The following MGAT4C variants were observed in gnomAD, a reference collection of about 807,000 sequenced individuals.
MGAT4C encodes alpha-1,3-mannosyl-glycoprotein 4-beta-N-acetylglucosaminyltransferase C.
A neutral mutation model predicts 40.1 loss-of-function variants in MGAT4C; 19 were observed. That is an observed-to-expected ratio of 0.47 (90% CI 0.33 to 0.70). MGAT4C has a LOEUF of 0.70. Ranked by LOEUF, MGAT4C falls within the 30% of genes least tolerant of loss-of-function variation. The pLI, the probability that MGAT4C is intolerant of heterozygous loss-of-function variation, is 0.02. For synonymous variants in MGAT4C, 181 were observed against 187.1 expected, an observed-to-expected ratio of 0.97 and a Z score of 0.27; for missense variants, 491 against 563.2, an observed-to-expected ratio of 0.87 and a Z score of 1.30.
chr12:86,338,731 A>G lies in MGAT4C; in HGVS notation c.-119-4604T>C, dbSNP rs185083361. Among the ~76,000 whole-genome samples the G allele has an allele frequency of 2.9e-3, 445 of 152,110 alleles. 9 individuals carry two copies. Among genetic ancestry groups the G allele is most frequent in the Admixed American group, 0.027 (411 of 15,272 alleles). ...TCCCACCACTTTGGGAGGTCGAGGTAGCTGGATCGCTTGAGGTTAGGAGTT... is the reference window on the plus strand; with the variant it reads ...TCCCACCACTTTGGGAGGTCGAGGTGGCTGGATCGCTTGAGGTTAGGAGTT... On this transcript the variant is annotated intron_variant, in intron 3 of 7. Transcript: ENST00000548651.
intron 2 of MGAT4C, among the ~76,000 whole-genome samples, chr12:86,504,505 A>G (rs1958434916): frequency 6.6e-6 from 1 of 152,164 alleles, no homozygotes; most frequent in African/African-American, 2.4e-5. Context: ...TTTACTTAAA[A>G]ACAAAACTAA....
intron 4 of MGAT4C, among the ~76,000 whole-genome samples, chr12:86,285,201 G>T (rs1235566093): frequency 1.3e-5 from 2 of 151,882 alleles, no homozygotes; most frequent in African/African-American, 4.8e-5. Context: ...ATAGATATTA[G>T]ACACTATATT....
chr12:86,199,493 A>G (rs773313446), intron 1 of MGAT4C, among the ~76,000 whole-genome samples: 10 of 152,148 alleles, frequency 6.6e-5, no homozygotes, highest in Non-Finnish European at 1.3e-4. Context: ...TTCCTCATTC[A>G]TAATACAATA....
At chr12:86,093,594 G>A (rs1196355025) in intron 1 of MGAT4C, among the ~76,000 whole-genome samples, 1 of 152,018 alleles carries the variant, frequency 6.6e-6, no homozygotes, top group Non-Finnish European at 1.5e-5. Flanking sequence ...TGGGTGTGGT[G>A]GTACTCGCCT....
intron 3 of MGAT4C, among the ~76,000 whole-genome samples, chr12:86,376,464 C>G (rs1260915337): frequency 6.6e-6 from 1 of 151,846 alleles, no homozygotes; most frequent in Non-Finnish European, 1.5e-5. Flanking sequence ...ATTTTTTAGT[C>G]AGAATGTAAA....
At chr12:86,505,473 C>A (rs984321561) in intron 2 of MGAT4C, among the ~76,000 whole-genome samples, 1 of 152,156 alleles carries the variant, frequency 6.6e-6, no homozygotes, top group African/African-American at 2.4e-5. Context: ...TCTATACATA[C>A]ATAAACCAGA....
chr12:86,764,945 A>G (rs1951477039), intron 1 of MGAT4C, among the ~76,000 whole-genome samples: 2 of 152,182 alleles, frequency 1.3e-5, no homozygotes, highest in Admixed American at 6.5e-5. Flanking sequence ...TGGAAACTCT[A>G]AAAAGCAGAG....
At chr12:86,036,000 C>T (rs1423014686) in intron 2 of MGAT4C, among the ~76,000 whole-genome samples, 1 of 149,992 alleles carries the variant, frequency 6.7e-6, no homozygotes, top group African/African-American at 2.4e-5. Flanking sequence ...AGTTTGAAGT[C>T]AGGTAGTGTG....
chr12:86,746,636 C>T (rs1206394405), intron 1 of MGAT4C, among the ~76,000 whole-genome samples: 3 of 151,640 alleles, frequency 2.0e-5, no homozygotes, highest in Non-Finnish European at 3.0e-5. Context: ...ACTTAACAAA[C>T]AACAATAATC....
chr12:86,180,906 A>C (rs1011897905), intron 1 of MGAT4C, among the ~76,000 whole-genome samples: 1 of 152,154 alleles, frequency 6.6e-6, no homozygotes, highest in Non-Finnish European at 1.5e-5. Flanking sequence ...ATTGATTTTC[A>C]AATGTAAGGA....
intron 2 of MGAT4C, among the ~76,000 whole-genome samples, chr12:86,455,971 AAAG>A (rs1957504566): frequency 6.6e-6 from 1 of 152,162 alleles, no homozygotes; most frequent in Non-Finnish European, 1.5e-5. Flanking sequence ...CTTAAATATT[AAAG>A]AATATGATAC....
At chr12:86,813,956 G>A (rs1952530267) in intron 1 of MGAT4C, among the ~76,000 whole-genome samples, 1 of 151,558 alleles carries the variant, frequency 6.6e-6, no homozygotes, top group Admixed American at 6.6e-5. Flanking sequence ...TGTTGCCTAG[G>A]CTAGAGTGCA....
intron 2 of MGAT4C, among the ~76,000 whole-genome samples, chr12:86,697,304 T>C (rs1354191604): frequency 1.3e-5 from 2 of 152,250 alleles, no homozygotes; most frequent in South Asian, 2.1e-4. Context: ...CATTTTACCA[T>C]TCATATATGC....
intron 4 of MGAT4C, among the ~76,000 whole-genome samples, chr12:86,309,128 T>C (rs1954009414): frequency 6.6e-6 from 1 of 150,634 alleles, no homozygotes; most frequent in Non-Finnish European, 1.5e-5. Flanking sequence ...ACTGTCCCAG[T>C]CTTCTGGTCT....
chr12:86,106,249 T>C (rs1198323507), intron 1 of MGAT4C, among the ~76,000 whole-genome samples: 1 of 152,148 alleles, frequency 6.6e-6, no homozygotes, highest in Admixed American at 6.6e-5. Context: ...CTTCTCTTTT[T>C]TTCATTGAAA....
intron 2 of MGAT4C, among the ~76,000 whole-genome samples, chr12:86,722,187 G>A (rs1950747886): frequency 6.6e-6 from 1 of 152,054 alleles, no homozygotes; most frequent in South Asian, 2.1e-4. Context: ...GCAGGAGGGA[G>A]GGCACTGTTA....
chr12:86,691,039 T>A (rs1380636951), intron 2 of MGAT4C, among the ~76,000 whole-genome samples: 2 of 152,204 alleles, frequency 1.3e-5, no homozygotes, highest in African/African-American at 2.4e-5. Flanking sequence ...TTTACTGGAA[T>A]AAATGGCACG....
chr12:86,490,772 G>A (rs548238722), intron 2 of MGAT4C, among the ~76,000 whole-genome samples: 1 of 152,226 alleles, frequency 6.6e-6, no homozygotes, highest in African/African-American at 2.4e-5. Context: ...CCTAGTCTCT[G>A]ATAAAACAGA....
At chr12:86,539,132 A>G (rs1014502356) in intron 2 of MGAT4C, among the ~76,000 whole-genome samples, 103 of 151,886 alleles carry the variant, frequency 6.8e-4, no homozygotes, top group African/African-American at 1.3e-3. Flanking sequence ...CCATTAACTC[A>G]TCATTTACAT....
Sources: allele counts gnomAD v4.1 joint callset (sites outside exome capture counted in the v4.1 genomes callset), GRCh38; gene constraint gnomAD v4.1.1; transcripts MANE v1.5; gene names NCBI Gene and HGNC (gene_info 2026-07-23, HGNC 2026-07-21).